The following ROBO2 variants were observed in gnomAD, a reference collection of about 807,000 sequenced individuals.
ROBO2 encodes roundabout guidance receptor 2.
Under a neutral mutation model 160.8 loss-of-function variants are expected in ROBO2, and 53 were observed. The ratio of observed to expected loss-of-function variants is 0.33; its 90% CI spans 0.26 to 0.41. The LOEUF is 0.41. Ranked by LOEUF, ROBO2 falls within the 10% of genes least tolerant of loss-of-function variation. The pLI, the probability that ROBO2 is intolerant of heterozygous loss-of-function variation, is 1.00. For synonymous variants in ROBO2, 664 were observed against 611.7 expected (o/e 1.09, Z -1.26); for missense variants, 1,577 against 1,722.4 (o/e 0.92, Z 1.49).
At chr3:77,187,468 A>T (rs2081384462) in intron 2 of ROBO2, among the ~76,000 whole-genome samples, 1 of 151,902 alleles carries the variant, frequency 6.6e-6, no homozygotes, top group African/African-American at 2.4e-5. Context: ...AAATATCCTT[A>T]TATTTATGAT....
At chr3:77,130,466 A>C (rs566135922) in intron 2 of ROBO2, among the ~76,000 whole-genome samples, 1 of 152,218 alleles carries the variant, frequency 6.6e-6, no homozygotes, top group Non-Finnish European at 1.5e-5. Flanking sequence ...AAAGTGAGAA[A>C]TGTGCATTAA....
intron 2 of ROBO2, among the ~76,000 whole-genome samples, chr3:77,190,832 A>G (rs908715048): frequency 9.2e-5 from 14 of 152,182 alleles, no homozygotes; most frequent in African/African-American, 3.4e-4. Flanking sequence ...AGATGGTAGT[A>G]AATTTGTGTT....
chr3:77,080,788 T>C (rs1475027981), intron 1 of ROBO2, among the ~76,000 whole-genome samples: 1 of 152,182 alleles, frequency 6.6e-6, no homozygotes, highest in East Asian at 1.9e-4. Flanking sequence ...TTGAAAACAT[T>C]TGCTCGTGTG....
intron 2 of ROBO2, among the ~76,000 whole-genome samples, chr3:77,472,219 C>T (rs1478852374): frequency 6.6e-6 from 1 of 152,006 alleles, no homozygotes; most frequent in African/African-American, 2.4e-5. Context: ...GGTAAATCGC[C>T]AGGTCTAGTT....
chr3:76,253,678 A>G (rs1706178758), intron 2 of ROBO2, among the ~76,000 whole-genome samples: 1 of 151,334 alleles, frequency 6.6e-6, no homozygotes, highest in Non-Finnish European at 1.5e-5. Flanking sequence ...AAAGAGCAAC[A>G]AATAATTGTT....
chr3:76,734,341 G>A (rs1352193412), intron 2 of ROBO2, among the ~76,000 whole-genome samples: 2 of 152,160 alleles, frequency 1.3e-5, no homozygotes, highest in African/African-American at 4.8e-5. Flanking sequence ...GGCACTATTA[G>A]TGATTGCCCA....
chr3:77,043,673 T>C (rs1001608611), intron 1 of ROBO2, among the ~76,000 whole-genome samples: 2 of 152,204 alleles, frequency 1.3e-5, no homozygotes, highest in Non-Finnish European at 2.9e-5. Flanking sequence ...AGCTTTTCTT[T>C]ATTTTTGAAT....
chr3:76,485,361 T>G (rs886573031), intron 2 of ROBO2, among the ~76,000 whole-genome samples: 16 of 152,070 alleles, frequency 1.1e-4, no homozygotes, highest in African/African-American at 3.9e-4. Context: ...GAGAATCTAA[T>G]GCTGCCGCTA....
At chr3:76,671,104 C>G (rs909485021) in intron 2 of ROBO2, among the ~76,000 whole-genome samples, 1 of 152,066 alleles carries the variant, frequency 6.6e-6, no homozygotes, top group Non-Finnish European at 1.5e-5. Context: ...GCATTACATG[C>G]TTAACTAACT....
intron 1 of ROBO2, among the ~76,000 whole-genome samples, chr3:75,930,457 A>G (rs186683641): frequency 2.1e-4 from 32 of 152,208 alleles, no homozygotes; most frequent in Non-Finnish European, 4.7e-4. Flanking sequence ...TAGTAGAACA[A>G]TTTATTTGTT....
chr3:77,182,409 A>G (rs1470882015), intron 2 of ROBO2, among the ~76,000 whole-genome samples: 1 of 152,128 alleles, frequency 6.6e-6, no homozygotes, highest in Admixed American at 6.6e-5. Context: ...ATGATTGTAG[A>G]GTACAGTGTG....
chr3:75,956,919 T>G (rs774553646), intron 2 of ROBO2, among the ~76,000 whole-genome samples: 4 of 151,698 alleles, frequency 2.6e-5, no homozygotes, highest in Non-Finnish European at 2.9e-5. Flanking sequence ...CTTTCTTTCT[T>G]TCATTGTTGC....
intron 2 of ROBO2, among the ~76,000 whole-genome samples, chr3:77,187,845 G>T (rs1344609039): frequency 6.6e-6 from 1 of 151,830 alleles, no homozygotes; most frequent in Non-Finnish European, 1.5e-5. Context: ...ATAGACCATT[G>T]AAATAAGTAG....
chr3:76,320,513 A>C (rs931808387), intron 2 of ROBO2, among the ~76,000 whole-genome samples: 2 of 152,292 alleles, frequency 1.3e-5, no homozygotes, highest in Non-Finnish European at 2.9e-5. Flanking sequence ...TCTGTCATGA[A>C]AAAAGTAGTT....
intron 2 of ROBO2, among the ~76,000 whole-genome samples, chr3:76,619,653 T>C (rs10865556): frequency 0.75 from 114,172 of 152,110 alleles, 43,472 homozygotes; most frequent in South Asian, 0.91. Flanking sequence ...AAGGACATTA[T>C]CATTATGTAT....
chr3:76,079,482 G>GTTT (rs35755828), intron 2 of ROBO2, among the ~76,000 whole-genome samples: 7 of 137,230 alleles, frequency 5.1e-5, no homozygotes, highest in Non-Finnish European at 7.7e-5. Context: ...ATTATTATTA[G>GTTT]TTTTTTTTTT....
chr3:76,956,913 T>C (rs892299534), intron 2 of ROBO2, among the ~76,000 whole-genome samples: 1 of 152,136 alleles, frequency 6.6e-6, no homozygotes, highest in African/African-American at 2.4e-5. Context: ...GGTGCTTGTC[T>C]AAACTCATCT....
At chr3:76,287,957 G>A (rs1016041874) in intron 2 of ROBO2, among the ~76,000 whole-genome samples, 1 of 106,126 alleles carries the variant, frequency 9.4e-6, no homozygotes, top group African/African-American at 5.6e-5. Flanking sequence ...TTCCATTTAG[G>A]CTAGAAGAAA....
intron 2 of ROBO2, among the ~76,000 whole-genome samples, chr3:77,472,432 G>A (rs527639972): frequency 1.1e-4 from 16 of 152,054 alleles, no homozygotes; most frequent in African/African-American, 3.1e-4. Context: ...TCTCTATGTC[G>A]TAAGGTAGTA....
Sources: gnomAD v4.1 joint callset for allele counts (sites outside exome capture counted in the v4.1 genomes callset) on GRCh38, gnomAD v4.1.1 for gene constraint, MANE v1.5 for transcripts, NCBI Gene and HGNC (gene_info 2026-07-23, HGNC 2026-07-21) for gene names.